ARHGAP6: variants seen among roughly 807,000 people sequenced by gnomAD.
ARHGAP6 encodes Rho GTPase activating protein 6, also known as rho GTPase-activating protein 6.
Under a neutral mutation model 55.7 loss-of-function variants are expected in ARHGAP6, and 16 were observed. The observed-to-expected ratio is 0.29, with a 90% CI of 0.19 to 0.44. The LOEUF (loss-of-function observed/expected upper bound fraction) is 0.44. Ranked by LOEUF, ARHGAP6 falls within the 20% of genes least tolerant of loss-of-function variation. The probability of loss-of-function intolerance (pLI) is 1.00; values close to 1 mark genes in which losing one functional copy is unlikely to be tolerated. For missense variants in ARHGAP6, 698 were observed against 808.9 expected, an observed-to-expected ratio of 0.86 and a Z score of 1.66; for synonymous variants, 382 against 360.9, an observed-to-expected ratio of 1.06 and a Z score of -0.66.
chrX:11,241,571 TGTGC>T (rs1555975317), intron 2 of ARHGAP6, among the ~76,000 whole-genome samples: 43 of 101,997 alleles, frequency 4.2e-4, no homozygotes, highest in Admixed American at 1.1e-3. Flanking sequence ...TGTGTGTGTG[TGTGC>T]GCGTGTGTCA....
At chrX:11,581,178 G>C (rs1324012309) in intron 1 of ARHGAP6, among the ~76,000 whole-genome samples, 1 of 112,495 alleles carries the variant, frequency 8.9e-6, no homozygotes, top group Non-Finnish European at 1.9e-5. Flanking sequence ...CACACAAAAA[G>C]ATGGTCTACA....
chrX:11,306,231 G>A (rs1460382232), intron 1 of ARHGAP6, among the ~76,000 whole-genome samples: 3 of 112,245 alleles, frequency 2.7e-5, no homozygotes, highest in Non-Finnish European at 5.6e-5. Context: ...AACCTCTCTC[G>A]CTAGTCCACA....
intron 1 of ARHGAP6, among the ~76,000 whole-genome samples, chrX:11,611,740 G>C (rs767261205): frequency 1.8e-5 from 2 of 111,428 alleles, no homozygotes; most frequent in East Asian, 5.6e-4. Context: ...CCACTTAAAA[G>C]TTTTTCATCC....
At chrX:11,212,387 G>A (rs1025968536) in intron 2 of ARHGAP6, among the ~76,000 whole-genome samples, 1 of 112,278 alleles carries the variant, frequency 8.9e-6, no homozygotes, top group Non-Finnish European at 1.9e-5. Flanking sequence ...CTTCTCAATT[G>A]CCCCCAAAAC....
At chrX:11,227,959 C>T (rs1263621608) in intron 2 of ARHGAP6, among the ~76,000 whole-genome samples, 3 of 109,990 alleles carry the variant, frequency 2.7e-5, no homozygotes, top group Admixed American at 9.8e-5. Flanking sequence ...CACAGGAATA[C>T]GGAAGAGATT....
chrX:11,217,122 G>C (rs1247535887), intron 2 of ARHGAP6, among the ~76,000 whole-genome samples: 5 of 111,966 alleles, frequency 4.5e-5, no homozygotes, highest in African/African-American at 1.6e-4. Flanking sequence ...TCATTGATGG[G>C]CATTTGGGTT....
At chrX:11,660,609 G>A (rs2052691909) in intron 1 of ARHGAP6, among the ~76,000 whole-genome samples, 1 of 96,979 alleles carries the variant, frequency 1.0e-5, no homozygotes, top group African/African-American at 3.8e-5. Context: ...ACTTTATTCG[G>A]TCAGGCTTTT....
chrX:11,543,679 A>G (rs774618147), intron 1 of ARHGAP6, among the ~76,000 whole-genome samples: 4 of 112,216 alleles, frequency 3.6e-5, no homozygotes, highest in Middle Eastern at 4.6e-3. Context: ...GGAACCTGCC[A>G]GTGGCAACAA....
intron 1 of ARHGAP6, chrX:11,334,344 C>T (rs777882286): frequency 8.7e-6 from 1 of 114,522 alleles, no homozygotes; most frequent in Non-Finnish European, 1.9e-5. Flanking sequence ...CCTTGGTTAG[C>T]TTCTCCACCT....
At chrX:11,655,274 C>T (rs977249370) in intron 1 of ARHGAP6, among the ~76,000 whole-genome samples, 2 of 112,123 alleles carry the variant, frequency 1.8e-5, no homozygotes, top group African/African-American at 6.5e-5. Flanking sequence ...TTTGTTTAAC[C>T]ATTCATCTAT....
intron 1 of ARHGAP6, among the ~76,000 whole-genome samples, chrX:11,545,018 G>A (rs1253375516): frequency 8.9e-6 from 1 of 112,133 alleles, no homozygotes. Flanking sequence ...ATCCATTGCA[G>A]TGTGGACTAG....
intron 1 of ARHGAP6, among the ~76,000 whole-genome samples, chrX:11,522,060 TA>T (rs2050935065): frequency 9.0e-6 from 1 of 111,636 alleles, no homozygotes; most frequent in Non-Finnish European, 1.9e-5. Context: ...GCAATCAAAC[TA>T]GAACTCAGGA....
intron 5 of ARHGAP6, among the ~76,000 whole-genome samples, chrX:11,183,566 T>A (rs1483015044): frequency 8.9e-6 from 1 of 112,262 alleles, no homozygotes; most frequent in Non-Finnish European, 1.9e-5. Flanking sequence ...AACATCCACA[T>A]AAAGGTCACA....
chrX:11,571,473 C>G (rs1336581948), intron 1 of ARHGAP6, among the ~76,000 whole-genome samples: 1 of 110,235 alleles, frequency 9.1e-6, no homozygotes, highest in South Asian at 3.9e-4. Context: ...GGTACTGCTA[C>G]GAAGGGATTT....
At chrX:11,387,657 C>G (rs2049346192) in intron 1 of ARHGAP6, among the ~76,000 whole-genome samples, 1 of 111,419 alleles carries the variant, frequency 9.0e-6, no homozygotes. Flanking sequence ...CCCCCATTAA[C>G]TAGTCATTTA....
At chrX:11,521,177 T>C (rs776956523) in intron 1 of ARHGAP6, among the ~76,000 whole-genome samples, 1 of 112,402 alleles carries the variant, frequency 8.9e-6, no homozygotes, top group African/African-American at 3.2e-5. Context: ...ATCCCATTTG[T>C]CAATTTTGGC....
At chrX:11,522,967 T>G (rs1260730074) in intron 1 of ARHGAP6, among the ~76,000 whole-genome samples, 1 of 111,512 alleles carries the variant, frequency 9.0e-6, no homozygotes, top group African/African-American at 3.3e-5. Context: ...CTGATGAACA[T>G]CGATGCAAAA....
At chrX:11,354,344 T>TAC (rs2048907869) in intron 1 of ARHGAP6, among the ~76,000 whole-genome samples, 1 of 92,885 alleles carries the variant, frequency 1.1e-5, no homozygotes, top group East Asian at 3.2e-4. Context: ...TATATATATA[T>TAC]ATATATATAT....
At chrX:11,631,596 T>C (rs912714763) in intron 1 of ARHGAP6, among the ~76,000 whole-genome samples, 3 of 110,744 alleles carry the variant, frequency 2.7e-5, no homozygotes, top group Non-Finnish European at 5.7e-5. Flanking sequence ...TTCTAAGTGT[T>C]CCAATGTTAT....
Sources: gnomAD v4.1 joint callset for allele counts (sites outside exome capture counted in the v4.1 genomes callset) on GRCh38, gnomAD v4.1.1 for gene constraint, MANE v1.5 for transcripts, NCBI Gene and HGNC (gene_info 2026-07-23, HGNC 2026-07-21) for gene names.